The following KCNMB2 variants were observed in gnomAD, a reference collection of about 807,000 sequenced individuals.
KCNMB2 encodes potassium calcium-activated channel subfamily M regulatory beta subunit 2.
Under a neutral mutation model 24.5 loss-of-function variants are expected in KCNMB2, and 9 were observed. That is an observed-to-expected ratio of 0.37 (90% confidence interval 0.22 to 0.64). The LOEUF (loss-of-function observed/expected upper bound fraction) is 0.64, where lower values mean the gene tolerates loss of function less well. Ranked by LOEUF, KCNMB2 falls within the 30% of genes least tolerant of loss-of-function variation. The pLI, the probability that KCNMB2 is intolerant of heterozygous loss-of-function variation, is 0.63. For missense variants in KCNMB2, 226 were observed against 284.3 expected (o/e 0.79, Z 1.47); for synonymous variants, 109 against 104.4 (o/e 1.04, Z -0.27).
intron 4 of KCNMB2, among the ~76,000 whole-genome samples, chr3:178,842,002 T>C (rs1285646494): frequency 6.6e-6 from 1 of 152,230 alleles, no homozygotes; most frequent in African/African-American, 2.4e-5. Context: ...CCTTGGCTTA[T>C]AGGAAAAGCT....
intron 2 of KCNMB2, among the ~76,000 whole-genome samples, chr3:178,818,651 A>G (rs1160645698): frequency 1.3e-5 from 2 of 152,156 alleles, no homozygotes; most frequent in African/African-American, 4.8e-5. Context: ...AACACCTGAA[A>G]CACTGGGAGA....
chr3:178,784,089 C>T (rs866533327), intron 1 of KCNMB2, among the ~76,000 whole-genome samples: 1 of 152,162 alleles, frequency 6.6e-6, no homozygotes, highest in South Asian at 2.1e-4. Flanking sequence ...TCTCTATTGG[C>T]TGCTATAGCC....
At chr3:178,595,863 CAGATTGA>C (rs1313790824) in intron 1 of KCNMB2, among the ~76,000 whole-genome samples, 4 of 152,084 alleles carry the variant, frequency 2.6e-5, no homozygotes, top group African/African-American at 9.7e-5. Context: ...TTTTACATTT[CAGATTGA>C]AGACTAAGGA....
rs867262881 is a variant in KCNMB2, at chr3:178,760,135, T to G, written c.-67-47208T>G. ...CCAAGAGGATATATCTATATATATA[T>G]ATATATCCAAGAGGATATATCTATA... On this transcript the variant is annotated intron_variant, in intron 1 of 4. Transcript: ENST00000452583. Among the ~76,000 whole-genome samples the G allele has an allele frequency of 1.9e-3, 73 of 38,906 alleles. 8 individuals are homozygous for G. In the Middle Eastern group the frequency reaches 0.075, roughly 40 times the overall value. The allele number at this position is 38,906 out of a possible 152,430, so 25.5% of individuals were successfully genotyped here.
intron 1 of KCNMB2, among the ~76,000 whole-genome samples, chr3:178,623,161 C>T (rs2108529034): frequency 6.6e-6 from 1 of 152,290 alleles, no homozygotes; most frequent in East Asian, 1.9e-4. Flanking sequence ...TAGTGTGGGG[C>T]TATTCTGTGT....
chr3:178,808,973 C>G (rs551724761), intron 2 of KCNMB2, among the ~76,000 whole-genome samples: 15 of 152,296 alleles, frequency 9.8e-5, no homozygotes, highest in South Asian at 2.1e-4. Flanking sequence ...CAGTGCTCAT[C>G]ATGACACCAA....
At chr3:178,671,168 G>C (rs772559191) in intron 1 of KCNMB2, among the ~76,000 whole-genome samples, 2 of 149,410 alleles carry the variant, frequency 1.3e-5, no homozygotes, top group Non-Finnish European at 3.0e-5. Context: ...GGTTGATATT[G>C]GTTTGAACCT....
intron 1 of KCNMB2, among the ~76,000 whole-genome samples, chr3:178,743,647 C>T (rs923560572): frequency 6.6e-6 from 1 of 152,016 alleles, no homozygotes; most frequent in Non-Finnish European, 1.5e-5. Flanking sequence ...GTTCCTCTGA[C>T]AGTAGAGTGT....
chr3:178,817,218 T>TATATATATAC (rs147866886), intron 2 of KCNMB2, among the ~76,000 whole-genome samples: 3,201 of 134,934 alleles, frequency 0.024, 473 homozygotes, highest in African/African-American at 0.1. Context: ...GTTAATGACA[T>TATATATATAC]ATATATATAA....
Position 178,691,107 on chromosome 3 carries a change from C to CTTTTTTTTTTTTTTTTTTTTTTTTTT in KCNMB2, c.-67-116216_-67-116215insTTTTTTTTTTTTTTTTTTTTTTTTTT, listed in dbSNP as rs71181241. On this transcript the variant is annotated intron_variant, in intron 1 of 4. Coordinates refer to ENST00000452583, the MANE Select transcript of KCNMB2 (RefSeq NM_181361.3). ...TGTACAGCATAATTCCCCATTAAGTCTTTTTTTTTTTTTTTTTTTTGATAG... is the reference window on the plus strand; with the variant it reads ...TGTACAGCATAATTCCCCATTAAGTCTTTTTTTTTTTTTTTTTTTTTTTTTTTTTTTTTTTTTTTTTTTTTTGATAG... 1.3e-3 allele frequency among the ~76,000 whole-genome samples: 104 copies of CTTTTTTTTTTTTTTTTTTTTTTTTTT among 79,724 alleles called. 20 individuals are homozygous for CTTTTTTTTTTTTTTTTTTTTTTTTTT. Among genetic ancestry groups the CTTTTTTTTTTTTTTTTTTTTTTTTTT allele is most frequent in the Middle Eastern group, 8.8e-3 (1 of 114 alleles). The allele number at this position is 79,724 out of a possible 152,430, so 52.3% of individuals were successfully genotyped here. A position where few individuals can be genotyped will look rare whatever the true frequency, so the allele number is the denominator to read the frequency against.
chr3:178,820,646 G>C lies in KCNMB2; in HGVS notation c.57-4942G>C, dbSNP rs56369658. ...ATAATTTGTTTATGAATTATGGGCT[G>C]ACCCCCAATATCAAACTTCAAGAAA... is the stretch of plus-strand genomic sequence containing the variant. On this transcript the variant is annotated intron_variant, in intron 2 of 4. Coordinates refer to ENST00000452583, the MANE Select transcript of KCNMB2 (RefSeq NM_181361.3). 709 of 152,698 alleles carry C rather than the reference G, an allele frequency of 4.6e-3. 7 individuals carry two copies. Among genetic ancestry groups the C allele is most frequent in the South Asian group, 0.01 (49 of 4,826 alleles). 9.5% of individuals were successfully genotyped at this position (152,698 alleles called of 1,614,324 possible).
intron 1 of KCNMB2, among the ~76,000 whole-genome samples, chr3:178,725,856 T>C (rs970626064): frequency 3.3e-5 from 5 of 151,916 alleles, no homozygotes; most frequent in Admixed American, 3.3e-4. Context: ...TTCTTGTACA[T>C]AGCATGTAGT....
At chr3:178,721,230 G>T (rs960899061) in intron 1 of KCNMB2, among the ~76,000 whole-genome samples, 5 of 152,144 alleles carry the variant, frequency 3.3e-5, no homozygotes, top group Non-Finnish European at 7.4e-5. Context: ...ATTAAATAGG[G>T]AATCCTTTCC....
At chr3:178,617,588 C>A (rs969392625) in intron 1 of KCNMB2, among the ~76,000 whole-genome samples, 7 of 148,606 alleles carry the variant, frequency 4.7e-5, no homozygotes, top group African/African-American at 1.7e-4. Context: ...CAAAATAACA[C>A]AAAAGAAAAC....
At chr3:178,839,333 A>G (rs1374625194) in intron 4 of KCNMB2, among the ~76,000 whole-genome samples, 1 of 152,198 alleles carries the variant, frequency 6.6e-6, no homozygotes, top group Non-Finnish European at 1.5e-5. Flanking sequence ...AAGAAAAACT[A>G]CAAAAAAGTG....
chr3:178,582,530 A>G (rs1177394223), intron 1 of KCNMB2, among the ~76,000 whole-genome samples: 1 of 152,166 alleles, frequency 6.6e-6, no homozygotes, highest in African/African-American at 2.4e-5. Context: ...AAAATCAGAT[A>G]AGGAGCATAA....
chr3:178,544,577 T>C (rs887371306), intron 1 of KCNMB2, among the ~76,000 whole-genome samples: 8 of 152,120 alleles, frequency 5.3e-5, no homozygotes, highest in Non-Finnish European at 4.4e-5. Flanking sequence ...AAAGAGAAGA[T>C]ACTTATAATA....
chr3:178,737,057 G>A (rs1236853591), intron 1 of KCNMB2, among the ~76,000 whole-genome samples: 2 of 152,108 alleles, frequency 1.3e-5, no homozygotes, highest in African/African-American at 4.8e-5. Flanking sequence ...ATCACTTGAG[G>A]GCAGGAGTTC....
intron 2 of KCNMB2, among the ~76,000 whole-genome samples, chr3:178,817,038 A>C (rs1215225479): frequency 1.3e-5 from 2 of 152,030 alleles, no homozygotes. Context: ...CTAATAAGCT[A>C]AAGGCAGGAC....
Sources: allele counts gnomAD v4.1 joint callset (sites outside exome capture counted in the v4.1 genomes callset), GRCh38; gene constraint gnomAD v4.1.1; transcripts MANE v1.5; gene names NCBI Gene and HGNC (gene_info 2026-07-23, HGNC 2026-07-21).